Variants in AXL observed in about 807,000 individuals in gnomAD.
AXL encodes the protein AXL receptor tyrosine kinase, also known as tyrosine-protein kinase receptor UFO.
Under a neutral mutation model 104.5 loss-of-function variants are expected in AXL, and 52 were observed. The observed-to-expected ratio is 0.50, with a 90% CI of 0.40 to 0.63. AXL has a LOEUF of 0.63. Ranked by LOEUF, AXL falls within the 20% of genes least tolerant of loss-of-function variation. The pLI is 0.00. For missense variants in AXL, 1,024 were observed against 1,188.5 expected (o/e 0.86, Z 2.04); for synonymous variants, 455 against 473.7 (o/e 0.96, Z 0.51).
rs2033984911 is a variant in AXL at position 41,231,312 on chromosome 19, A to G, written c.783+14A>G. The G allele has an allele frequency of 6.2e-7, 1 of 1,603,978 alleles. No individual in the cohort carries two copies. Among genetic ancestry groups the G allele is most frequent in the South Asian group, 1.1e-5 (1 of 90,406 alleles). On this transcript the variant is annotated intron_variant, in intron 6 of 19. Transcript: ENST00000301178. ...TGCACCCTGCAGGTGAGACTCCCAAACTTGGTTCATTTCAGTCTCAGGCCT... is the reference window on the plus strand; with the variant it reads ...TGCACCCTGCAGGTGAGACTCCCAAGCTTGGTTCATTTCAGTCTCAGGCCT...
chr19:41,238,479 G>GC lies in AXL; in HGVS notation c.1010dup (p.Glu338Ter), dbSNP rs1450387909. ...CTTCCCTGTCCTCCAGTGCCCCTGGGCCCCCCTGAGAACATTAGTGCTACG... is the reference window on the plus strand; with the variant it reads ...CTTCCCTGTCCTCCAGTGCCCCTGGGCCCCCCCTGAGAACATTAGTGCTACG... On this transcript the variant is annotated frameshift_variant, in exon 8 of 20. Coordinates refer to ENST00000301178, the MANE Select transcript of AXL (RefSeq NM_021913.5). LOFTEE classifies it high-confidence loss of function. 2 of 1,610,890 alleles carry GC rather than the reference G, an allele frequency of 1.2e-6. No homozygotes were observed. The highest frequency in any genetic ancestry group is 1.7e-5 in the Admixed American group (1 of 59,912).
Position 41,242,976 on chromosome 19 carries a change from T to A in AXL, c.1406T>A (p.Leu469His). Reference protein sequence around the residue: ...VAAACVLILALFLVHRRKKET... With the variant: ...VAAACVLILAHFLVHRRKKET... ...GCTGCCTGTGTCCTCATCTTGGCTC[T>A]CTTCCTTGTCCACCGGCGAAAGAAG... is the stretch of plus-strand genomic sequence containing the variant. The change falls in exon 11 of 20, where the codon CTC (leucine) becomes CAC (histidine). Residue 469 changes from leucine to histidine, a missense_variant. Around this residue, in one of 5 missense-constraint regions of AXL, gnomAD observed 523 missense variants for 636.0 expected, o/e 0.82. Transcript: ENST00000301178. The A allele has an allele frequency of 3.1e-6, 5 of 1,614,202 alleles. No individual in the cohort carries two copies. Among genetic ancestry groups the A allele is most frequent in the Non-Finnish European group, 4.2e-6 (5 of 1,180,032 alleles).
In AXL at chr19:41,261,156, C is replaced by G. The variant is rs2034536331; in HGVS notation, c.*1252C>G. On this transcript the variant is annotated 3_prime_UTR_variant, in exon 20 of 20. Coordinates refer to ENST00000301178, the MANE Select transcript of AXL (RefSeq NM_021913.5). Reference sequence around the variant, plus strand: ...ATTCTCTGTGTCTAAGATTCTAGATCAGATGCTCCAAGATTCTAGATGATT... The same window carrying G: ...ATTCTCTGTGTCTAAGATTCTAGATGAGATGCTCCAAGATTCTAGATGATT... 6.6e-6 allele frequency: 1 copy of G among 152,422 alleles called. No homozygotes were observed. Among genetic ancestry groups the G allele is most frequent in the Non-Finnish European group, 1.5e-5 (1 of 68,024 alleles). The allele number at this position is 152,422 out of a possible 1,614,324, so 9.4% of individuals were successfully genotyped here.
chr19:41,254,390 A>G (rs182741385), intron 17 of AXL, among the ~76,000 whole-genome samples: 4,506 of 145,110 alleles, frequency 0.031, 133 homozygotes, highest in Middle Eastern at 0.064. Context: ...AAAAAAAAAA[A>G]AAAGAAAGAA....
chr19:41,260,298 CTTTTTTTTTTTTT>C lies in AXL; in HGVS notation c.*413_*425del, dbSNP rs869213717. The C allele has an allele frequency of 6.8e-4, 33 of 48,626 alleles. No individual in the cohort carries two copies. Among genetic ancestry groups the C allele is most frequent in the East Asian group, 4.5e-3 (9 of 1,992 alleles). 3.0% of individuals were successfully genotyped at this position (48,626 alleles called of 1,614,324 possible). A position where few individuals can be genotyped will look rare whatever the true frequency, so the allele number is the denominator to read the frequency against. ...TAAAGTGCTAAGGTTCTAAGGCCTA[CTTTTTTTTTTTTT>C]TTTTTTTTTTTTTTTTTTGCGATAG... On this transcript the variant is annotated 3_prime_UTR_variant, in exon 20 of 20. Transcript: ENST00000301178.
At chr19:41,222,462 C>T (rs555800993) in intron 4 of AXL, among the ~76,000 whole-genome samples, 172 of 152,198 alleles carry the variant, frequency 1.1e-3, no homozygotes, top group Middle Eastern at 3.4e-3. Context: ...AGCAGGGCAC[C>T]GGAATCAACC....
At position 41,258,099 on chromosome 19, in the gene AXL, G is replaced by T. The variant is rs185132644; in HGVS notation, c.2333+470G>T. ...TGAGATATTTGCAGGATCCTTCAGG[G>T]AATGCTTACCAAACTTTGCAATATT... On this transcript the variant is annotated intron_variant, in intron 19 of 19. Transcript: ENST00000301178. 2.7e-3 allele frequency among the ~76,000 whole-genome samples: 412 copies of T among 152,342 alleles called. 12 individuals are homozygous for T. The highest frequency in any genetic ancestry group is 0.026 in the Admixed American group (401 of 15,304).
At chr19:41,228,893 A>AAGCTCCAATT (rs921911000) in intron 4 of AXL, among the ~76,000 whole-genome samples, 19 of 152,160 alleles carry the variant, frequency 1.2e-4, no homozygotes, top group Non-Finnish European at 2.4e-4. Context: ...TTTGGAGAGG[A>AAGCTCCAATT]AGCTCCAATT....
At position 41,222,038 on chromosome 19, in the gene AXL, C is replaced by G. The variant is rs770407415; in HGVS notation, c.568C>G (p.Arg190Gly). The G allele has an allele frequency of 6.3e-7, 1 of 1,583,010 alleles. No individual in the cohort carries two copies. Among genetic ancestry groups the G allele is most frequent in the Non-Finnish European group, 8.6e-7 (1 of 1,167,074 alleles). Residue 190 changes from arginine to glycine, a missense_variant, in exon 4 of 20, where the codon CGC becomes GGC. Arg to Gly is a moderately radical substitution (Grantham distance 125). Transcript: ENST00000301178. Reference protein sequence around the residue: ...LATAPGHGPQRSLHVPGLNKT... With the variant: ...LATAPGHGPQGSLHVPGLNKT... ...CACGGCTCCAGGTCACGGCCCCCAG[C>G]GCAGCCTGCATGTTCCAGGTGAGTC...
intron 4 of AXL, among the ~76,000 whole-genome samples, chr19:41,228,645 C>T (rs2033924080): frequency 6.6e-6 from 1 of 152,180 alleles, no homozygotes. Flanking sequence ...CAGGAATGCT[C>T]ATAAGTACAT....
Position 41,259,961 on chromosome 19 carries a change from G to A in AXL, c.*57G>A. On this transcript the variant is annotated 3_prime_UTR_variant, in exon 20 of 20. Coordinates refer to ENST00000301178, the MANE Select transcript of AXL (RefSeq NM_021913.5). ...ATCCAAGCTAAGCACTGCCACTGGG[G>A]AAAACTCCACCTTCCCACTTTCCCA... 6.9e-7 allele frequency: 1 copy of A among 1,443,786 alleles called. No individual in the cohort carries two copies. The highest frequency in any genetic ancestry group is 9.3e-7 in the Non-Finnish European group (1 of 1,077,494). The allele number at this position is 1,443,786 out of a possible 1,614,324, so 89.4% of individuals were successfully genotyped here.
At chr19:41,229,108 C>T (rs985291760) in intron 4 of AXL, among the ~76,000 whole-genome samples, 14 of 151,686 alleles carry the variant, frequency 9.2e-5, no homozygotes, top group African/African-American at 3.4e-4. Context: ...TGCCACTATG[C>T]CCAGCTAATT....
At chr19:41,221,345 C>G in intron 3 of AXL, 99 bp downstream of exon 3, 1 of 1,056,734 alleles carries the variant, frequency 9.5e-7, no homozygotes. Context: ...TCAAAGGGTG[C>G]TGGAGGATTC....
chr19:41,246,771 T>A (rs2034278718), intron 12 of AXL, among the ~76,000 whole-genome samples: 1 of 152,124 alleles, frequency 6.6e-6, no homozygotes, highest in African/African-American at 2.4e-5. Context: ...CCCAGGCTGA[T>A]CTCCAACTCC....
chr19:41,222,026 C>T lies in AXL; in HGVS notation c.556C>T (p.His186Tyr), dbSNP rs1339779428. The change falls in exon 4 of 20, where the codon CAC becomes TAC. Residue 186 changes from histidine (H) to tyrosine (Y), a missense_variant. His to Tyr is a moderately conservative substitution (Grantham distance 83). Around this residue, in one of 5 missense-constraint regions of AXL, gnomAD observed 332 missense variants for 343.9 expected, o/e 0.97. Transcript: ENST00000301178. ...DAVPLATAPG[H>Y]GPQRSLHVPG... The stretch of plus-strand genomic sequence containing the variant: ...TGTCCCCCTGGCCACGGCTCCAGGT[C>T]ACGGCCCCCAGCGCAGCCTGCATGT... The T allele has an allele frequency of 1.9e-6, 3 of 1,595,358 alleles. No individual in the cohort carries two copies. Among genetic ancestry groups the T allele is most frequent in the African/African-American group, 2.7e-5 (2 of 74,392 alleles).
Position 41,231,208 on chromosome 19 carries a change from C to T in AXL, c.693C>T (p.Leu231=). The part of the protein sequence containing the change: ...ITVLPQQPRN[L]HLVSRQPTEL... ...TGCTCCCCCAGCAGCCCCGTAACCT[C>T]CACCTGGTCTCCCGCCAACCCACGG... Residue 231 remains leucine (L), a synonymous_variant, in exon 6 of 20, where the codon CTC becomes CTT. Transcript: ENST00000301178. 6.2e-7 allele frequency: 1 copy of T among 1,613,758 alleles called. No homozygotes were observed. The highest frequency in any genetic ancestry group is 2.2e-5 in the East Asian group (1 of 44,882).
chr19:41,231,067 G>A lies in AXL; in HGVS notation c.667+20G>A. On this transcript the variant is annotated intron_variant, in intron 5 of 19. Coordinates refer to ENST00000301178, the MANE Select transcript of AXL (RefSeq NM_021913.5). ...TCACAGGTGACAGAGTTGGGAGGTG[G>A]GGAGCTGGGCGTCAGAGGGTGGGGT... 1 of 1,613,784 alleles carries A rather than the reference G, an allele frequency of 6.2e-7. No homozygotes were observed. Among genetic ancestry groups the A allele is most frequent in the South Asian group, 1.1e-5 (1 of 91,082 alleles).
rs183626373 is a variant in AXL at position 41,258,538 on chromosome 19, C to T, written c.2333+909C>T. On this transcript the variant is annotated intron_variant, in intron 19 of 19. Coordinates refer to ENST00000301178, the MANE Select transcript of AXL (RefSeq NM_021913.5). ...CTAGCGATTCTCTTGCCTCAGCCTC[C>T]CAAGTAGCTGGGACTACAGGCGTGT... 3.6e-3 allele frequency among the ~76,000 whole-genome samples: 548 copies of T among 152,336 alleles called. 13 individuals are homozygous for T. The highest frequency in any genetic ancestry group is 0.031 in the Admixed American group (468 of 15,296).
At chr19:41,233,409 G>C (rs2034026635) in intron 6 of AXL, among the ~76,000 whole-genome samples, 1 of 147,550 alleles carries the variant, frequency 6.8e-6, no homozygotes, top group South Asian at 2.4e-4. Context: ...TATTGGCTGG[G>C]CATGATAGCT....
Sources: allele counts gnomAD v4.1 joint callset (sites outside exome capture counted in the v4.1 genomes callset), GRCh38; gene constraint gnomAD v4.1.1; regional missense constraint gnomAD v4.1.1; transcripts MANE v1.5; gene names NCBI Gene and HGNC (gene_info 2026-07-23, HGNC 2026-07-21).